USP45: variants seen among roughly 807,000 people sequenced by gnomAD.
USP45 encodes the protein ubiquitin carboxyl-terminal hydrolase 45.
In USP45, 89 loss-of-function variants were observed where a neutral mutation model predicts 95.8. The ratio of observed to expected loss-of-function variants is 0.93; its 90% confidence interval spans 0.78 to 1.11. The LOEUF (loss-of-function observed/expected upper bound fraction) is 1.11, where lower values mean the gene tolerates loss of function less well. USP45 is among the 50% of genes least tolerant of loss of function. The pLI is 0.00. For synonymous variants in USP45, 281 were observed against 316.2 expected (o/e 0.89, Z 1.18); for missense variants, 898 against 942.5 (o/e 0.95, Z 0.62).
rs1407341114 is a variant in USP45, at chr6:99,476,153, T to C, written c.923A>G (p.Glu308Gly). 1 of 1,613,704 alleles carries C rather than the reference T, an allele frequency of 6.2e-7. No homozygotes were observed. The highest frequency in any genetic ancestry group is 1.3e-5 in the African/African-American group (1 of 74,896). Residue 308 changes from glutamate (E) to glycine (G), a missense_variant, in exon 9 of 18, where the codon GAA (glutamate) becomes GGA (glycine). By Grantham distance (98) the Glu-to-Gly change is moderately conservative (BLOSUM62 -2). Transcript: ENST00000500704. ...LHYLLDAVRTEETKRIQASIL... is the reference protein window; with the variant it reads ...LHYLLDAVRTGETKRIQASIL... The stretch of plus-strand genomic sequence containing the variant: ...ATAAAGAAACCTGACCTTTGTTTCT[T>C]CTGTCCTCACTGCATCCAGAAGATA...
At chr6:99,516,837 A>G (rs1343973922), upstream of USP45, among the ~76,000 whole-genome samples, 1 of 152,212 alleles carries the variant, frequency 6.6e-6, no homozygotes, top group African/African-American at 2.4e-5. Context: ...TAATTGTGTC[A>G]CTGTAAAAGA....
At chr6:99,473,763 A>T (rs1374156124) in intron 9 of USP45, among the ~76,000 whole-genome samples, 2 of 22,454 alleles carry the variant, frequency 8.9e-5, no homozygotes, top group Admixed American at 6.1e-4. Flanking sequence ...TCAAAAAAAA[A>T]ACAAAAAAAA....
At chr6:99,511,845 GTATATATATATATATATA>G (rs751350306) in intron 1 of USP45, among the ~76,000 whole-genome samples, 4 of 22,810 alleles carry the variant, frequency 1.8e-4, no homozygotes, top group Admixed American at 4.2e-4. Context: ...GTGAGTGTGT[GTATATATATATATATATA>G]TATATATATA....
chr6:99,465,018 T>C lies in USP45; in HGVS notation c.1164+62A>G. ...GATATCTGGTAATATACTCAACAAA[T>C]GTTTAAATAAATGATTAAATGTTCT... On this transcript the variant is annotated intron_variant, in intron 12 of 17. Transcript: ENST00000500704. The C allele has an allele frequency of 2.2e-6, 3 of 1,378,852 alleles. No individual in the cohort carries two copies. In the South Asian group the frequency reaches 4.0e-5, roughly 19 times the overall value. The allele number at this position is 1,378,852 out of a possible 1,614,324, so 85.4% of individuals were successfully genotyped here. A position where few individuals can be genotyped will look rare whatever the true frequency, so the allele number is the denominator to read the frequency against.
chr6:99,478,234 T>A (rs186716737), intron 8 of USP45, among the ~76,000 whole-genome samples: 170 of 150,220 alleles, frequency 1.1e-3, no homozygotes, highest in African/African-American at 4.1e-3. Context: ...TTTTTTTTTT[T>A]TTTTTTTTTT....
At position 99,463,080 on chromosome 6, in the gene USP45, G is replaced by A. The variant is rs551753897; in HGVS notation, c.1308+1524C>T. 1.4e-4 allele frequency among the ~76,000 whole-genome samples: 21 copies of A among 152,042 alleles called. 1 individual carries two copies. The South Asian group carries it at 4.4e-3, about 32-fold the overall frequency. On this transcript the variant is annotated intron_variant, in intron 13 of 17. Transcript: ENST00000500704. ...TTCATATAAAAAAGTTTTTTTTGCT[G>A]AAGTATAAGTTCAGATTGATTTCTT...
intron 4 of USP45, among the ~76,000 whole-genome samples, chr6:99,504,723 T>C (rs745428939): frequency 9.9e-5 from 15 of 151,874 alleles, no homozygotes; most frequent in Non-Finnish European, 1.9e-4. Context: ...CAATGAGGAG[T>C]GATTTTGCCA....
intron 8 of USP45, among the ~76,000 whole-genome samples, chr6:99,481,718 T>A (rs1009220177): frequency 6.6e-6 from 1 of 152,214 alleles, no homozygotes; most frequent in Non-Finnish European, 1.5e-5. Flanking sequence ...CATCTTTATG[T>A]CCATGAGTAC....
At chr6:99,485,746 G>A (rs756826377) in intron 7 of USP45, among the ~76,000 whole-genome samples, 17 of 152,204 alleles carry the variant, frequency 1.1e-4, no homozygotes, top group East Asian at 1.9e-4. Flanking sequence ...GTTGATATGC[G>A]CATAAATATT....
At chr6:99,460,886 A>G (rs929797842) in intron 13 of USP45, 4 of 973,118 alleles carry the variant, frequency 4.1e-6, no homozygotes, top group East Asian at 2.3e-4. Context: ...ATTAAAACCA[A>G]AAGTGCATGA....
intron 14 of USP45, among the ~76,000 whole-genome samples, chr6:99,444,886 A>G (rs1027418877): frequency 2.0e-5 from 3 of 152,136 alleles, no homozygotes; most frequent in Non-Finnish European, 4.4e-5. Context: ...TTCAGTGGCA[A>G]TTATCTCCTG....
chr6:99,489,899 T>G (rs771880683), intron 5 of USP45, among the ~76,000 whole-genome samples: 1 of 152,036 alleles, frequency 6.6e-6, no homozygotes, highest in Non-Finnish European at 1.5e-5. Flanking sequence ...TGCAGTGAGC[T>G]GAGATCATGC....
chr6:99,481,281 G>A (rs1376348473), intron 8 of USP45, among the ~76,000 whole-genome samples: 2 of 152,216 alleles, frequency 1.3e-5, no homozygotes, highest in Non-Finnish European at 2.9e-5. Context: ...ATTTGCATAT[G>A]TCTGTGTATG....
rs368835302 is a variant in USP45, at chr6:99,446,281, A to G, written c.1491T>C (p.Ser497=). 18 of 1,614,248 alleles carry G rather than the reference A, an allele frequency of 1.1e-5. No individual in the cohort carries two copies. Among genetic ancestry groups the G allele is most frequent in the Non-Finnish European group, 1.5e-5 (18 of 1,180,046 alleles). ...TDDSEKEASH[S]ESNVDADSEP... is the part of the protein sequence containing the mutation. Reference sequence around the variant, plus strand: ...CACTGTCAGCATCAACATTGCTTTCAGAATGGCTGGCTTCTTTTTCACTGT... The same window carrying G: ...CACTGTCAGCATCAACATTGCTTTCGGAATGGCTGGCTTCTTTTTCACTGT... Residue 497 remains serine (S), a synonymous_variant, in exon 14 of 18, where the codon TCT becomes TCC. Transcript: ENST00000500704.
At chr6:99,474,874 A>T (rs1583220102) in intron 9 of USP45, among the ~76,000 whole-genome samples, 1 of 152,168 alleles carries the variant, frequency 6.6e-6, no homozygotes, top group Non-Finnish European at 1.5e-5. Context: ...TCCCAGAAGA[A>T]GTTGAATTTA....
chr6:99,440,842 C>T (rs1468681456), intron 15 of USP45, among the ~76,000 whole-genome samples: 1 of 152,018 alleles, frequency 6.6e-6, no homozygotes, highest in East Asian at 1.9e-4. Context: ...ATCAGGTGAC[C>T]TCTATAAGCA....
intron 1 of USP45, among the ~76,000 whole-genome samples, chr6:99,510,624 G>A (rs1317412002): frequency 6.6e-6 from 1 of 152,106 alleles, no homozygotes; most frequent in Non-Finnish European, 1.5e-5. Context: ...GTATCCACAT[G>A]AGGATATACG....
Position 99,510,246 on chromosome 6 carries a change from G to T in USP45, c.-10-16C>A. The T allele has an allele frequency of 6.4e-7, 1 of 1,566,372 alleles. No homozygotes were observed. Among genetic ancestry groups the T allele is most frequent in the Non-Finnish European group, 8.7e-7 (1 of 1,150,812 alleles). ...CTGTTATTTACTGAAGGGATTGAGG[G>T]AAAAAAATTCATACATTTTAGTCTT... On this transcript the variant is annotated splice_polypyrimidine_tract_variant and intron_variant, in intron 1 of 17. Coordinates refer to ENST00000500704, the MANE Select transcript of USP45 (RefSeq NM_001346022.3).
At position 99,433,319 on chromosome 6, in the gene USP45, C is replaced by A. The variant is rs1282780472; in HGVS notation, c.*2397G>T. ...AAATAAAGCTAATGAAACTTTAATT[C>A]ATTCAAACACTATGGTAGTTATGTT... On this transcript the variant is annotated 3_prime_UTR_variant, in exon 18 of 18. Transcript: ENST00000500704. The A allele has an allele frequency of 6.6e-6, 1 of 152,608 alleles. No homozygotes were observed. The highest frequency in any genetic ancestry group is 6.5e-5 in the Admixed American group (1 of 15,278). 9.5% of individuals were successfully genotyped at this position (152,608 alleles called of 1,614,324 possible).
Sources: allele counts gnomAD v4.1 joint callset (sites outside exome capture counted in the v4.1 genomes callset), GRCh38; gene constraint gnomAD v4.1.1; transcripts MANE v1.5; gene names NCBI Gene and HGNC (gene_info 2026-07-23, HGNC 2026-07-21).